Variants in PTK2 observed in about 807,000 individuals in gnomAD.
PTK2 encodes focal adhesion kinase 1.
Under a neutral mutation model 150.1 loss-of-function variants are expected in PTK2, and 45 were observed. The ratio of observed to expected loss-of-function variants is 0.30; its 90% confidence interval spans 0.24 to 0.38. PTK2 has a LOEUF of 0.38. PTK2 is among the 10% of genes least tolerant of loss of function. PTK2 has a pLI of 1.00. For synonymous variants in PTK2, 432 were observed against 449.2 expected, an observed-to-expected ratio of 0.96 and a Z score of 0.48; for missense variants, 919 against 1,307.3, an observed-to-expected ratio of 0.70 and a Z score of 4.58.
chr8:140,733,118 C>G (rs2100050520), intron 22 of PTK2, among the ~76,000 whole-genome samples: 1 of 152,082 alleles, frequency 6.6e-6, no homozygotes. Context: ...TCATGCCAGA[C>G]AGATGGGAAA....
At chr8:140,854,006 GAATAAA>G (rs1357897589) in intron 5 of PTK2, among the ~76,000 whole-genome samples, 1 of 152,118 alleles carries the variant, frequency 6.6e-6, no homozygotes, top group African/African-American at 2.4e-5. Flanking sequence ...AAGAAAACTG[GAATAAA>G]AATAAAAGGA....
chr8:140,668,619 TTTTC>T (rs2093805772), intron 29 of PTK2, 195 bp from the exon 34 acceptor site: 5 of 558,378 alleles, frequency 9.0e-6, no homozygotes, highest in Non-Finnish European at 8.9e-6. Context: ...TTAGGCAGTA[TTTTC>T]TTTCTAACTT....
At chr8:140,737,345 C>G (rs1303239581) in intron 21 of PTK2, among the ~76,000 whole-genome samples, 1 of 152,102 alleles carries the variant, frequency 6.6e-6, no homozygotes, top group Non-Finnish European at 1.5e-5. Flanking sequence ...TGAAGTGATC[C>G]TCCCTCCTTG....
chr8:140,789,435 G>A (rs760788856), intron 14 of PTK2, 39 bp downstream of exon 14: 1 of 1,602,372 alleles, frequency 6.2e-7, no homozygotes, highest in East Asian at 2.2e-5. Flanking sequence ...CTTACCCCAT[G>A]AGAGTGCTTT....
intron 1 of PTK2, among the ~76,000 whole-genome samples, chr8:140,985,563 C>T (rs945589329): frequency 6.6e-6 from 1 of 152,174 alleles, no homozygotes; most frequent in Non-Finnish European, 1.5e-5. Context: ...CTCCCTAGAA[C>T]CTTTTCCCCC....
At chr8:140,981,250 A>AAAATAC (rs1222711729) in intron 1 of PTK2, among the ~76,000 whole-genome samples, 1 of 152,152 alleles carries the variant, frequency 6.6e-6, no homozygotes. Context: ...AAAAGTAAGT[A>AAAATAC]AAATACAAAC....
At chr8:140,690,559 C>T (rs966102859) in intron 26 of PTK2, among the ~76,000 whole-genome samples, 3 of 152,096 alleles carry the variant, frequency 2.0e-5, no homozygotes, top group African/African-American at 7.2e-5. Context: ...AAGAAACATG[C>T]ACTTACTGTA....
intron 2 of PTK2, among the ~76,000 whole-genome samples, chr8:140,895,710 G>C (rs903283887): frequency 2.0e-5 from 3 of 152,122 alleles, no homozygotes; most frequent in Middle Eastern, 3.4e-3. Context: ...AAAGAACTAA[G>C]AGTATAATTA....
At chr8:140,890,717 G>T (rs748382315) in exon 3 of PTK2, 2 of 1,614,072 alleles carry the variant, frequency 1.2e-6, no homozygotes, top group South Asian at 2.2e-5. Flanking sequence ...TCAAGTTGGG[G>T]TCAAGGTAAG....
chr8:140,811,326 G>C (rs2100101419), intron 10 of PTK2, among the ~76,000 whole-genome samples: 1 of 152,140 alleles, frequency 6.6e-6, no homozygotes, highest in Admixed American at 6.5e-5. Context: ...AAATATTCCA[G>C]AAATGCAGCC....
At chr8:140,740,408 T>C (rs1211386738) in intron 20 of PTK2, among the ~76,000 whole-genome samples, 1 of 152,166 alleles carries the variant, frequency 6.6e-6, no homozygotes, top group African/African-American at 2.4e-5. Context: ...CAGAAGAGCA[T>C]GGAGCATGAG....
intron 5 of PTK2, among the ~76,000 whole-genome samples, chr8:140,856,530 G>A (rs765715137): frequency 9.9e-5 from 15 of 151,992 alleles, no homozygotes; most frequent in Non-Finnish European, 1.3e-4. Context: ...ATAAAAATAC[G>A]CACTACATAA....
chr8:140,669,326 T>TACATATATAC (rs1563954358), intron 29 of PTK2: 1 of 137,756 alleles, frequency 7.3e-6, no homozygotes, highest in African/African-American at 2.7e-5. Context: ...TATATATATA[T>TACATATATAC]ATATATATAT....
chr8:140,910,634 T>G (rs981309627), intron 2 of PTK2, among the ~76,000 whole-genome samples: 1 of 152,182 alleles, frequency 6.6e-6, no homozygotes, highest in Non-Finnish European at 1.5e-5. Flanking sequence ...ATACAGCGAA[T>G]GGGGATGTAA....
At chr8:140,944,714 C>T (rs778446748) in intron 1 of PTK2, among the ~76,000 whole-genome samples, 6 of 152,142 alleles carry the variant, frequency 3.9e-5, no homozygotes, top group South Asian at 2.1e-4. Flanking sequence ...AAGCTTCAGC[C>T]GGCAAGTAAT....
intron 29 of PTK2, among the ~76,000 whole-genome samples, chr8:140,671,978 C>G (rs1035005093): frequency 1.3e-5 from 2 of 151,772 alleles, no homozygotes; most frequent in Non-Finnish European, 2.9e-5. Flanking sequence ...TTTAAGTACA[C>G]ATATTATTTT....
chr8:140,906,419 C>A (rs1302563270), intron 2 of PTK2, among the ~76,000 whole-genome samples: 1 of 152,184 alleles, frequency 6.6e-6, no homozygotes, highest in African/African-American at 2.4e-5. Flanking sequence ...CTATTCACAA[C>A]AGCCAAGATA....
At chr8:140,825,880 A>T (rs1022083202) in intron 8 of PTK2, among the ~76,000 whole-genome samples, 1 of 152,246 alleles carries the variant, frequency 6.6e-6, no homozygotes, top group Non-Finnish European at 1.5e-5. Context: ...TGGTACAGTG[A>T]ATTTTTAAAT....
At chr8:140,763,921 A>C (rs563924662) in intron 15 of PTK2, among the ~76,000 whole-genome samples, 6 of 152,288 alleles carry the variant, frequency 3.9e-5, no homozygotes, top group African/African-American at 1.4e-4. Context: ...ATATATACTT[A>C]ACCAATAATA....
Sources: gnomAD v4.1 joint callset for allele counts (sites outside exome capture counted in the v4.1 genomes callset) on GRCh38, gnomAD v4.1.1 for gene constraint, MANE v1.5 for transcripts, NCBI Gene and HGNC (gene_info 2026-07-23, HGNC 2026-07-21) for gene names.